PCLO: variants seen among roughly 807,000 people sequenced by gnomAD.
PCLO encodes the protein piccolo presynaptic cytomatrix protein.
PCLO carries 82 observed loss-of-function variants against 427.5 expected under a neutral mutation model. That is an observed-to-expected ratio of 0.19 (90% CI 0.16 to 0.23). The LOEUF is 0.23. Ranked by LOEUF, PCLO falls within the 10% of genes least tolerant of loss-of-function variation. The pLI is 1.00. For missense variants in PCLO, 6,239 were observed against 6,115.9 expected (o/e 1.02, Z -0.67); for synonymous variants, 2,357 against 2,155.4 (o/e 1.09, Z -2.59).
At chr7:82,893,136 C>T (rs553179572) in intron 9 of PCLO, among the ~76,000 whole-genome samples, 22 of 151,750 alleles carry the variant, frequency 1.4e-4, no homozygotes, top group South Asian at 4.2e-4. Context: ...ATGGTTATTG[C>T]GGCACTATTC....
intron 20 of PCLO, among the ~76,000 whole-genome samples, chr7:82,819,527 A>T (rs1236895396): frequency 3.9e-5 from 6 of 152,164 alleles, no homozygotes; most frequent in Admixed American, 3.9e-4. Flanking sequence ...AACTTATTTG[A>T]TGGAAGAAAA....
At chr7:83,120,685 A>G (rs1305142107) in intron 3 of PCLO, among the ~76,000 whole-genome samples, 1 of 152,182 alleles carries the variant, frequency 6.6e-6, no homozygotes. Context: ...AGAGAGTAGC[A>G]TGACATATTT....
intron 3 of PCLO, among the ~76,000 whole-genome samples, chr7:82,997,669 C>T (rs938420621): frequency 2.0e-5 from 3 of 151,918 alleles, no homozygotes; most frequent in Admixed American, 6.6e-5. Flanking sequence ...GCCTCACCCT[C>T]GTATCAGTCA....
rs1207944689 is a variant in PCLO at position 83,110,082 on chromosome 7, A to G, written c.3300+24168T>C. On this transcript the variant is annotated intron_variant, in intron 3 of 24. Transcript: ENST00000333891. ...TTTTGTGCTTGGAACCTGGCCCCCA[A>G]GCAGGTTCTCAGTACATACTAGATT... is the stretch of plus-strand genomic sequence containing the variant. Among the ~76,000 whole-genome samples, 2 of 150,886 alleles carry G rather than the reference A, an allele frequency of 1.3e-5. 1 individual carries two copies. The highest frequency in any genetic ancestry group is 4.2e-4 in the South Asian group (2 of 4,748).
At chr7:83,075,605 T>A (rs988525321) in intron 3 of PCLO, among the ~76,000 whole-genome samples, 1 of 152,156 alleles carries the variant, frequency 6.6e-6, no homozygotes, top group African/African-American at 2.4e-5. Flanking sequence ...AATATTACTT[T>A]GAAATAGTCC....
chr7:83,068,109 C>G (rs1192926800), intron 3 of PCLO, among the ~76,000 whole-genome samples: 1 of 151,832 alleles, frequency 6.6e-6, no homozygotes, highest in Admixed American at 6.6e-5. Context: ...TAGCTGTTCC[C>G]AGATTTTATA....
chr7:82,851,864 A>G (rs548834350), intron 10 of PCLO, among the ~76,000 whole-genome samples: 1 of 152,272 alleles, frequency 6.6e-6, no homozygotes, highest in East Asian at 1.9e-4. Flanking sequence ...GTCCAAATCA[A>G]TTATACTCAT....
rs1322015456 is a variant in PCLO, at chr7:83,162,634, C to G, written c.-42G>C. The G allele has an allele frequency of 5.4e-6, 8 of 1,495,250 alleles. No homozygotes were observed. Among genetic ancestry groups the G allele is most frequent in the African/African-American group, 4.2e-5 (3 of 71,878 alleles). 92.6% of individuals were successfully genotyped at this position (1,495,250 alleles called of 1,614,324 possible). A position where few individuals can be genotyped will look rare whatever the true frequency, so the allele number is the denominator to read the frequency against. On this transcript the variant is annotated 5_prime_UTR_variant, in exon 1 of 25. Coordinates refer to ENST00000333891, the MANE Select transcript of PCLO (RefSeq NM_033026.6). ...GGGCCGCCGCGCTCCCTCCTCGCGC[C>G]GCGTCCCAGTCGAGAAGCCCGCGGC...
rs568629158 is a variant in PCLO at position 83,025,043 on chromosome 7, G to C, written c.3301-58556C>G. Among the ~76,000 whole-genome samples the C allele has an allele frequency of 4.3e-4, 66 of 152,278 alleles. 1 individual carries two copies. The highest frequency in any genetic ancestry group is 1.5e-3 in the African/African-American group (63 of 41,582). ...AAAACTGGAAACTCTAAAAAGTAGAGCGCCTCTCCTCCTCCAAAGGAACGC... is the reference window on the plus strand; with the variant it reads ...AAAACTGGAAACTCTAAAAAGTAGACCGCCTCTCCTCCTCCAAAGGAACGC... On this transcript the variant is annotated intron_variant, in intron 3 of 24. Transcript: ENST00000333891.
intron 10 of PCLO, among the ~76,000 whole-genome samples, chr7:82,856,297 T>C (rs1792803932): frequency 6.6e-6 from 1 of 152,330 alleles, no homozygotes; most frequent in Admixed American, 6.5e-5. Context: ...GTTGCAAAGA[T>C]ATGCTTTTTA....
intron 20 of PCLO, among the ~76,000 whole-genome samples, chr7:82,817,919 A>T (rs73710004): frequency 0.039 from 6,003 of 152,242 alleles, 396 homozygotes; most frequent in African/African-American, 0.14. Flanking sequence ...AAAATAGCTC[A>T]GGTTTTTCAC....
chr7:82,900,433 G>T (rs1395383094), intron 9 of PCLO, among the ~76,000 whole-genome samples: 1 of 151,552 alleles, frequency 6.6e-6, no homozygotes, highest in East Asian at 1.9e-4. Context: ...TTCTATTGAT[G>T]CACATTGTCC....
chr7:83,072,558 G>A (rs986214224), intron 3 of PCLO, among the ~76,000 whole-genome samples: 3 of 152,008 alleles, frequency 2.0e-5, no homozygotes, highest in African/African-American at 7.2e-5. Context: ...AAGAGATAAT[G>A]ATTCCAGTCT....
At chr7:82,995,497 T>C (rs1303426187) in intron 3 of PCLO, among the ~76,000 whole-genome samples, 5 of 151,988 alleles carry the variant, frequency 3.3e-5, no homozygotes, top group Admixed American at 1.3e-4. Flanking sequence ...GTGGCTGGAA[T>C]ATGAGAAAAT....
chr7:82,760,853 G>T, intron 23 of PCLO, 69 bp from the exon 24 acceptor site: 1 of 672,898 alleles, frequency 1.5e-6, no homozygotes, highest in Non-Finnish European at 2.2e-6. Context: ...AATTATAACT[G>T]TATACTGAGA....
intron 10 of PCLO, among the ~76,000 whole-genome samples, chr7:82,872,241 A>G (rs1182680210): frequency 1.3e-5 from 2 of 152,052 alleles, no homozygotes; most frequent in African/African-American, 4.8e-5. Context: ...CAGAATATAT[A>G]AAGATGCCCT....
intron 3 of PCLO, among the ~76,000 whole-genome samples, chr7:83,016,309 T>C (rs1788205612): frequency 6.6e-6 from 1 of 152,008 alleles, no homozygotes; most frequent in Non-Finnish European, 1.5e-5. Context: ...TCAGAATCAA[T>C]GTTGAAGGAA....
intron 8 of PCLO, among the ~76,000 whole-genome samples, chr7:82,905,397 C>T (rs1001761984): frequency 6.6e-6 from 1 of 151,944 alleles, no homozygotes; most frequent in Non-Finnish European, 1.5e-5. Context: ...ATACAGACAT[C>T]CCTTCCCTCA....
intron 22 of PCLO, among the ~76,000 whole-genome samples, chr7:82,768,999 A>C (rs1790590405): frequency 6.6e-6 from 1 of 152,128 alleles, no homozygotes; most frequent in Non-Finnish European, 1.5e-5. Context: ...GGGTATTTCA[A>C]GTAACTTGCC....
Sources: gnomAD v4.1 joint callset for allele counts (sites outside exome capture counted in the v4.1 genomes callset) on GRCh38, gnomAD v4.1.1 for gene constraint, MANE v1.5 for transcripts, NCBI Gene and HGNC (gene_info 2026-07-23, HGNC 2026-07-21) for gene names.